The following BICRA variants were observed in gnomAD, a reference collection of about 807,000 sequenced individuals.
BICRA encodes the protein BRD4-interacting chromatin-remodeling complex-associated protein.
Under a neutral mutation model 96.9 loss-of-function variants are expected in BICRA, and 31 were observed. The observed-to-expected ratio is 0.32, with a 90% CI of 0.24 to 0.43. The LOEUF (loss-of-function observed/expected upper bound fraction) is 0.43. Among genes scored for constraint, BICRA ranks in the 20% least tolerant of loss-of-function variants. The probability of loss-of-function intolerance (pLI) is 1.00; values close to 1 mark genes in which losing one functional copy is unlikely to be tolerated. For missense variants in BICRA, 2,283 were observed against 2,190.3 expected, an observed-to-expected ratio of 1.04 and a Z score of -0.84; for synonymous variants, 1,350 against 1,071.8, an observed-to-expected ratio of 1.26 and a Z score of -5.07.
At chr19:47,630,879 T>C (rs1972211976) in intron 1 of BICRA, among the ~76,000 whole-genome samples, 1 of 152,202 alleles carries the variant, frequency 6.6e-6, no homozygotes, top group Admixed American at 6.6e-5. Flanking sequence ...GTGGTTCCAG[T>C]TTCTCCACAT....
intron 1 of BICRA, among the ~76,000 whole-genome samples, chr19:47,652,672 C>G (rs1250075700): frequency 6.6e-6 from 1 of 152,216 alleles, no homozygotes; most frequent in East Asian, 1.9e-4. Context: ...CTTAAATACT[C>G]TCTTATTTTT....
chr19:47,621,749 G>T (rs1039559740), intron 1 of BICRA, among the ~76,000 whole-genome samples: 1 of 151,558 alleles, frequency 6.6e-6, no homozygotes, highest in Non-Finnish European at 1.5e-5. Flanking sequence ...GATTACAGGC[G>T]TGAGCCACTG....
chr19:47,620,606 G>A (rs1972049837), intron 1 of BICRA, among the ~76,000 whole-genome samples: 1 of 137,434 alleles, frequency 7.3e-6, no homozygotes, highest in South Asian at 2.3e-4. Context: ...GAAGGTCGAG[G>A]CTCCAGTTAG....
intron 1 of BICRA, among the ~76,000 whole-genome samples, chr19:47,657,941 T>G (rs80009536): frequency 3.3e-5 from 5 of 152,046 alleles, no homozygotes; most frequent in Non-Finnish European, 7.4e-5. Context: ...GTTTTTTTTT[T>G]CCCTGAGTCT....
At position 47,679,356 on chromosome 19, in the gene BICRA, C is replaced by A; in HGVS notation, c.186C>A (p.Asn62Lys). The A allele has an allele frequency of 7.0e-7, 1 of 1,434,374 alleles. No homozygotes were observed. The highest frequency in any genetic ancestry group is 9.2e-7 in the Non-Finnish European group (1 of 1,092,376). 88.9% of individuals were successfully genotyped at this position (1,434,374 alleles called of 1,614,324 possible). Residue 62 changes from asparagine (N) to lysine (K), a missense_variant, in exon 6 of 15, where the codon AAC becomes AAA. Asn to Lys is a moderately conservative substitution (Grantham distance 94). Coordinates refer to ENST00000594866, the MANE Select transcript of BICRA (RefSeq NM_001394372.1). ...AAGAAGCTTCCGGCAACCACCTGAA[C>A]CCAGAGCCCAACCAGCCGGCCCCCA... is the stretch of plus-strand genomic sequence containing the variant. ...HVQEASGNHL[N>K]PEPNQPAPSV...
chr19:47,684,033 C>T (rs573969846), intron 7 of BICRA, among the ~76,000 whole-genome samples: 1 of 152,212 alleles, frequency 6.6e-6, no homozygotes, highest in Non-Finnish European at 1.5e-5. Context: ...CACTTGCACG[C>T]TCTCCCACTT....
intron 1 of BICRA, among the ~76,000 whole-genome samples, chr19:47,619,941 T>C (rs1314120491): frequency 6.6e-6 from 1 of 152,160 alleles, no homozygotes; most frequent in African/African-American, 2.4e-5. Flanking sequence ...AAGTTGCCCT[T>C]TGCCCCTTCC....
intron 1 of BICRA, among the ~76,000 whole-genome samples, chr19:47,609,433 C>T (rs1177975061): frequency 1.4e-5 from 2 of 147,670 alleles, no homozygotes; most frequent in Non-Finnish European, 3.0e-5. Flanking sequence ...GCACCCCCAG[C>T]CCCGCGTCTC....
chr19:47,673,836 C>G, intron 4 of BICRA, 74 bp downstream of exon 4: 1 of 1,293,928 alleles, frequency 7.7e-7, no homozygotes, highest in Non-Finnish European at 1.1e-6. Context: ...CAGGGAGAGA[C>G]ATGTCCCTTT....
In BICRA at chr19:47,701,118, T is replaced by C; in HGVS notation, c.3596-210T>C. The C allele has an allele frequency of 1.7e-6, 1 of 580,118 alleles. No homozygotes were observed. The highest frequency in any genetic ancestry group is 3.3e-5 in the Admixed American group (1 of 30,396). 35.9% of individuals were successfully genotyped at this position (580,118 alleles called of 1,614,324 possible). ...GTCTGAATGAGCCCCACGTGGCTCG[T>C]GGCGCTGTGCCAGGCACAGTGGTTT... On this transcript the variant is annotated intron_variant, in intron 14 of 14. Coordinates refer to ENST00000594866, the MANE Select transcript of BICRA (RefSeq NM_001394372.1). The surrounding 1 kb of genome is among the most constrained non-coding windows in gnomAD (Gnocchi z 5.4).
Position 47,694,310 on chromosome 19 carries a change from G to GCCCCCC in BICRA, c.2481_2486dup (p.Pro828_Pro829dup). ...CTTGCACCCTTGCCCCCCACCCCAG[G>GCCCCCC]CCCCCCCAACTCTGCCTGGCATCTT... On this transcript the variant is annotated inframe_insertion, in exon 8 of 15. Transcript: ENST00000594866. The GCCCCCC allele has an allele frequency of 5.7e-6, 5 of 879,210 alleles. No individual in the cohort carries two copies. The highest frequency in any genetic ancestry group is 3.1e-5 in the Admixed American group (1 of 32,238). 54.5% of individuals were successfully genotyped at this position (879,210 alleles called of 1,614,324 possible).
chr19:47,622,142 T>C (rs903486480), intron 1 of BICRA, among the ~76,000 whole-genome samples: 18 of 151,940 alleles, frequency 1.2e-4, no homozygotes, highest in African/African-American at 4.3e-4. Context: ...AATTTTTGTA[T>C]TTTTAGTAGA....
rs574238394 is a variant in BICRA at position 47,610,268 on chromosome 19, A to C, written c.-108+1100A>C. ...TGGCTGCCCCTCGTCTGCTTCCCCG[A>C]CTCCTGTCACGGGCGGCCGCGGGGA... is the stretch of plus-strand genomic sequence containing the variant. On this transcript the variant is annotated intron_variant, in intron 1 of 14. Transcript: ENST00000594866. Among the ~76,000 whole-genome samples, 284 of 151,828 alleles carry C rather than the reference A, an allele frequency of 1.9e-3. 2 individuals carry two copies. The highest frequency in any genetic ancestry group is 6.7e-3 in the African/African-American group (277 of 41,376).
At position 47,679,716 on chromosome 19, in the gene BICRA, G is replaced by T; in HGVS notation, c.546G>T (p.Val182=). The change falls in exon 6 of 15, where the codon GTG becomes GTT. Residue 182 remains valine (V), a synonymous_variant. Transcript: ENST00000594866. ...PPTVLTHQAL[V]PPQDVVNKAL... ...CCGTGCTGACCCACCAGGCCCTGGT[G>T]CCGCCCCAGGACGTGGTCAACAAGG... 3 of 1,536,116 alleles carry T rather than the reference G, an allele frequency of 2.0e-6. No individual in the cohort carries two copies. The highest frequency in any genetic ancestry group is 2.6e-6 in the Non-Finnish European group (3 of 1,142,544).
At chr19:47,635,990 C>T (rs1487751342) in intron 1 of BICRA, among the ~76,000 whole-genome samples, 1 of 152,156 alleles carries the variant, frequency 6.6e-6, no homozygotes, top group Non-Finnish European at 1.5e-5. Flanking sequence ...TCAGTGTACA[C>T]AAACTTTTTC....
At chr19:47,622,894 T>C (rs1480653139) in intron 1 of BICRA, among the ~76,000 whole-genome samples, 1 of 150,760 alleles carries the variant, frequency 6.6e-6, no homozygotes, top group Non-Finnish European at 1.5e-5. Flanking sequence ...AAAAATTAGC[T>C]GGGCATGGTG....
Position 47,680,456 on chromosome 19 carries a change from C to T in BICRA, c.1286C>T (p.Ala429Val), listed in dbSNP as rs938961517. The T allele has an allele frequency of 1.9e-6, 3 of 1,539,788 alleles. No individual in the cohort carries two copies. The highest frequency in any genetic ancestry group is 2.0e-5 in the Admixed American group (1 of 50,858). Reference sequence around the variant, plus strand: ...GCGAACGTCTTCAAGCAGCCACCGGCCACCACCACCGGAGCGGCCCCGCCG... The same window carrying T: ...GCGAACGTCTTCAAGCAGCCACCGGTCACCACCACCGGAGCGGCCCCGCCG... ...LQANVFKQPP[A>V]TTTGAAPPQP... The change falls in exon 6 of 15, where the codon GCC (alanine) becomes GTC (valine). Residue 429 changes from alanine (A) to valine (V), a missense_variant. By Grantham distance (64) the Ala-to-Val change is moderately conservative (BLOSUM62 0). Coordinates refer to ENST00000594866, the MANE Select transcript of BICRA (RefSeq NM_001394372.1).
At chr19:47,667,221 TTCACACA>T (rs1289386011) in intron 1 of BICRA, among the ~76,000 whole-genome samples, 4 of 152,104 alleles carry the variant, frequency 2.6e-5, no homozygotes, top group Non-Finnish European at 5.9e-5. Flanking sequence ...GGTTTCACCA[TTCACACA>T]ATGGTCTCGA....
chr19:47,628,025 C>G (rs574556664), intron 1 of BICRA, among the ~76,000 whole-genome samples: 2 of 152,194 alleles, frequency 1.3e-5, no homozygotes, highest in Non-Finnish European at 2.9e-5. Context: ...ATGTCAGCTC[C>G]TCGAAGTGGT....
Sources: allele counts gnomAD v4.1 joint callset (sites outside exome capture counted in the v4.1 genomes callset), GRCh38; gene constraint gnomAD v4.1.1; non-coding constraint Gnocchi (gnomAD v3.1); transcripts MANE v1.5; gene names NCBI Gene and HGNC (gene_info 2026-07-23, HGNC 2026-07-21).